The following LRRC4C variants were observed in gnomAD, a reference collection of about 807,000 sequenced individuals.
The protein encoded by LRRC4C is leucine rich repeat containing 4C.
Under a neutral mutation model 33.6 loss-of-function variants are expected in LRRC4C, and 5 were observed. That is an observed-to-expected ratio of 0.15 (90% CI 0.08 to 0.31). The LOEUF (loss-of-function observed/expected upper bound fraction) is 0.31, where lower values mean the gene tolerates loss of function less well. Among genes scored for constraint, LRRC4C ranks in the 10% least tolerant of loss-of-function variants. The pLI, the probability that LRRC4C is intolerant of heterozygous loss-of-function variation, is 1.00. For synonymous variants in LRRC4C, 329 were observed against 302.0 expected, an observed-to-expected ratio of 1.09 and a Z score of -0.93; for missense variants, 560 against 796.7, an observed-to-expected ratio of 0.70 and a Z score of 3.58.
At chr11:41,392,206 C>T (rs1026966286) in intron 1 of LRRC4C, among the ~76,000 whole-genome samples, 1 of 151,876 alleles carries the variant, frequency 6.6e-6, no homozygotes, top group Non-Finnish European at 1.5e-5. Flanking sequence ...GAATGACTTG[C>T]AGTGAGACTT....
Position 41,072,461 on chromosome 11 carries a change from A to G in LRRC4C, c.-495-138738T>C, listed in dbSNP as rs184036022. ...GGACTTCCCCCTTGCTGTTCCTGTG[A>G]CAGAGTTCTTATGAGATATGGTTGT... is the stretch of plus-strand genomic sequence containing the variant. On this transcript the variant is annotated intron_variant, in intron 1 of 6. Transcript: ENST00000528697. 1.0e-3 allele frequency among the ~76,000 whole-genome samples: 155 copies of G among 152,114 alleles called. 1 individual carries two copies. Among genetic ancestry groups the G allele is most frequent in the African/African-American group, 3.6e-3 (149 of 41,526 alleles).
chr11:40,833,560 T>G (rs1358543321), intron 2 of LRRC4C, among the ~76,000 whole-genome samples: 1 of 152,108 alleles, frequency 6.6e-6, no homozygotes, highest in East Asian at 1.9e-4. Context: ...CTCATTTCAT[T>G]GCACCCAAGG....
At chr11:40,886,885 G>A (rs1051205149) in intron 2 of LRRC4C, among the ~76,000 whole-genome samples, 3 of 138,996 alleles carry the variant, frequency 2.2e-5, no homozygotes, top group African/African-American at 5.7e-5. Flanking sequence ...GTTTATATAT[G>A]TGTGTGTGTG....
chr11:40,174,835 A>C (rs888198712), intron 5 of LRRC4C, among the ~76,000 whole-genome samples: 1 of 152,192 alleles, frequency 6.6e-6, no homozygotes, highest in Non-Finnish European at 1.5e-5. Context: ...GGGACAGGTC[A>C]AATAGTTATA....
chr11:40,167,874 GC>G (rs980434778), intron 5 of LRRC4C, among the ~76,000 whole-genome samples: 4 of 151,964 alleles, frequency 2.6e-5, no homozygotes, highest in Non-Finnish European at 5.9e-5. Context: ...GAGAAACCCT[GC>G]CTCTACTAAA....
intron 3 of LRRC4C, among the ~76,000 whole-genome samples, chr11:40,353,160 C>T (rs751768469): frequency 3.3e-5 from 5 of 152,076 alleles, no homozygotes; most frequent in Non-Finnish European, 7.4e-5. Context: ...TTCAAATAAA[C>T]TTTCTACCCC....
At chr11:41,087,527 C>T (rs910403807) in intron 1 of LRRC4C, among the ~76,000 whole-genome samples, 3 of 151,972 alleles carry the variant, frequency 2.0e-5, no homozygotes, top group Admixed American at 6.6e-5. Flanking sequence ...CAGGATTTTG[C>T]GATATTACCC....
chr11:40,565,357 C>T (rs986469858), intron 3 of LRRC4C, among the ~76,000 whole-genome samples: 1 of 152,168 alleles, frequency 6.6e-6, no homozygotes, highest in Admixed American at 6.5e-5. Context: ...CATTAGTTGA[C>T]AGCCACCAAG....
intron 1 of LRRC4C, among the ~76,000 whole-genome samples, chr11:41,114,238 C>G (rs147752443): frequency 1.1e-4 from 17 of 151,910 alleles, no homozygotes; most frequent in Non-Finnish European, 2.4e-4. Flanking sequence ...GGCTTTAAAT[C>G]TTTTTTTAAA....
chr11:40,985,133 ACTT>A (rs1269727838), intron 1 of LRRC4C, among the ~76,000 whole-genome samples: 3 of 151,916 alleles, frequency 2.0e-5, no homozygotes, highest in Non-Finnish European at 4.4e-5. Flanking sequence ...GCTTGTTCAT[ACTT>A]CTCAGGATTC....
At chr11:40,264,043 C>T (rs528310838) in intron 4 of LRRC4C, among the ~76,000 whole-genome samples, 3 of 152,268 alleles carry the variant, frequency 2.0e-5, no homozygotes, top group African/African-American at 7.2e-5. Flanking sequence ...ATCCATTATA[C>T]TTTAGATCTG....
intron 3 of LRRC4C, among the ~76,000 whole-genome samples, chr11:40,444,142 T>A (rs1236406454): frequency 6.6e-6 from 1 of 152,102 alleles, no homozygotes; most frequent in Non-Finnish European, 1.5e-5. Flanking sequence ...GTTCATCTAG[T>A]CTTTCTGTCC....
At chr11:40,527,710 T>C (rs1956110382) in intron 3 of LRRC4C, among the ~76,000 whole-genome samples, 2 of 152,140 alleles carry the variant, frequency 1.3e-5, no homozygotes, top group Non-Finnish European at 2.9e-5. Flanking sequence ...GTAGATAGTT[T>C]AATATAGAGG....
chr11:40,848,836 G>A (rs960097087), intron 2 of LRRC4C, among the ~76,000 whole-genome samples: 2 of 152,016 alleles, frequency 1.3e-5, no homozygotes, highest in African/African-American at 4.8e-5. Flanking sequence ...TCCTGTACTG[G>A]GTGCATATAT....
chr11:40,606,354 G>A (rs548201387), intron 3 of LRRC4C, among the ~76,000 whole-genome samples: 8 of 152,290 alleles, frequency 5.3e-5, no homozygotes, highest in African/African-American at 1.9e-4. Flanking sequence ...GCACACATAA[G>A]TTAAGACACA....
chr11:41,326,012 G>C (rs1951106720), intron 1 of LRRC4C, among the ~76,000 whole-genome samples: 1 of 152,030 alleles, frequency 6.6e-6, no homozygotes, highest in Non-Finnish European at 1.5e-5. Context: ...GTGTCAACTT[G>C]ATTGAATTGA....
chr11:41,271,585 T>C (rs1949323423), intron 1 of LRRC4C, among the ~76,000 whole-genome samples: 1 of 152,072 alleles, frequency 6.6e-6, no homozygotes, highest in South Asian at 2.1e-4. Context: ...TCCCTCTCCT[T>C]ATAGTCACTC....
intron 1 of LRRC4C, among the ~76,000 whole-genome samples, chr11:41,335,215 A>G (rs564297021): frequency 6.6e-6 from 1 of 152,360 alleles, no homozygotes; most frequent in Admixed American, 6.5e-5. Flanking sequence ...AGTGCTTGGA[A>G]TATAAAGATA....
At chr11:40,248,279 A>G (rs1866501685) in intron 4 of LRRC4C, among the ~76,000 whole-genome samples, 1 of 152,100 alleles carries the variant, frequency 6.6e-6, no homozygotes, top group South Asian at 2.1e-4. Flanking sequence ...TCATGTTCCT[A>G]AGATAGTACT....
Sources: gnomAD v4.1 joint callset for allele counts (sites outside exome capture counted in the v4.1 genomes callset) on GRCh38, gnomAD v4.1.1 for gene constraint, MANE v1.5 for transcripts, NCBI Gene and HGNC (gene_info 2026-07-23, HGNC 2026-07-21) for gene names.